The following LRRC20 variants were observed in gnomAD, a reference collection of about 807,000 sequenced individuals.
The protein encoded by LRRC20 is leucine rich repeat containing 20, also known as leucine-rich repeat-containing protein 20.
In LRRC20, 11 loss-of-function variants were observed where a neutral mutation model predicts 14.4. The observed-to-expected ratio is 0.77, with a 90% CI of 0.48 to 1.27. The LOEUF is 1.27. Among genes scored for constraint, LRRC20 ranks in the 50% most tolerant of loss-of-function variants. The probability of loss-of-function intolerance (pLI) is 0.00; values close to 1 mark genes in which losing one functional copy is unlikely to be tolerated. For missense variants in LRRC20, 219 were observed against 251.2 expected (o/e 0.87, Z 0.87); for synonymous variants, 121 against 107.3 (o/e 1.13, Z -0.79).
intron 4 of LRRC20, among the ~76,000 whole-genome samples, chr10:70,301,954 G>C (rs1409609869): frequency 6.6e-6 from 1 of 152,064 alleles, no homozygotes; most frequent in Non-Finnish European, 1.5e-5. Flanking sequence ...ATGATATATG[G>C]AATACTATGT....
At chr10:70,310,445 C>T (rs867978700) in intron 4 of LRRC20, among the ~76,000 whole-genome samples, 2 of 152,178 alleles carry the variant, frequency 1.3e-5, no homozygotes, top group Admixed American at 6.5e-5. Flanking sequence ...CCACTCACCA[C>T]GTCCTGCTGC....
At chr10:70,337,245 C>T (rs1842749243) in intron 3 of LRRC20, among the ~76,000 whole-genome samples, 1 of 152,214 alleles carries the variant, frequency 6.6e-6, no homozygotes, top group Non-Finnish European at 1.5e-5. Flanking sequence ...TAAGCCTCCT[C>T]TTCACACATA....
chr10:70,308,333 T>C (rs753076756), intron 4 of LRRC20, among the ~76,000 whole-genome samples: 2 of 151,288 alleles, frequency 1.3e-5, no homozygotes, highest in Non-Finnish European at 3.0e-5. Flanking sequence ...AGCCAGTGGG[T>C]AGCAAGGCTG....
At chr10:70,323,792 G>A (rs1271065579) in intron 4 of LRRC20, 71 bp downstream of exon 4, 16 of 1,535,692 alleles carry the variant, frequency 1.0e-5, no homozygotes, top group African/African-American at 5.5e-5. Context: ...TGTGAAGGTC[G>A]ACTCCAGAGT....
chr10:70,301,348 G>A lies in LRRC20; in HGVS notation c.*6C>T, dbSNP rs923743761. 1.2e-6 allele frequency: 2 copies of A among 1,611,070 alleles called. No homozygotes were observed. The highest frequency in any genetic ancestry group is 8.5e-7 in the Non-Finnish European group (1 of 1,179,096). On this transcript the variant is annotated 3_prime_UTR_variant, in exon 5 of 5. Transcript: ENST00000446961. ...CCCCTTGCTGGGTGGGCATGAGGAGGGTGGCCTAAGGTAGGGGGGCTCTTG... is the reference window on the plus strand; with the variant it reads ...CCCCTTGCTGGGTGGGCATGAGGAGAGTGGCCTAAGGTAGGGGGGCTCTTG...
At chr10:70,336,808 T>C (rs1842737338) in intron 3 of LRRC20, among the ~76,000 whole-genome samples, 1 of 152,198 alleles carries the variant, frequency 6.6e-6, no homozygotes, top group East Asian at 1.9e-4. Context: ...GCCATAGGTG[T>C]GTCTCCTACA....
chr10:70,362,679 C>T lies in LRRC20; in HGVS notation c.82+13773G>A, dbSNP rs149499104. On this transcript the variant is annotated intron_variant, in intron 2 of 4. Coordinates refer to ENST00000446961, the MANE Select transcript of LRRC20 (RefSeq NM_001278212.2). Reference sequence around the variant, plus strand: ...CTGACAGAGCTGACTCCACCCAGTGCCAGGCTTGGCCCCTTACAGACATGA... The same window carrying T: ...CTGACAGAGCTGACTCCACCCAGTGTCAGGCTTGGCCCCTTACAGACATGA... Among the ~76,000 whole-genome samples, 919 of 152,350 alleles carry T rather than the reference C, an allele frequency of 6.0e-3. 3 individuals carry two copies. Among genetic ancestry groups the T allele is most frequent in the Non-Finnish European group, 0.01 (695 of 68,036 alleles).
At chr10:70,363,376 C>T (rs1304641609) in intron 2 of LRRC20, among the ~76,000 whole-genome samples, 3 of 152,084 alleles carry the variant, frequency 2.0e-5, no homozygotes, top group South Asian at 2.1e-4. Flanking sequence ...CCCTGGCCCC[C>T]CACCCACGGA....
intron 3 of LRRC20, among the ~76,000 whole-genome samples, chr10:70,337,614 C>G (rs1384931861): frequency 6.6e-6 from 1 of 152,148 alleles, no homozygotes; most frequent in Non-Finnish European, 1.5e-5. Context: ...CTTACTCATC[C>G]CACAAGGCTC....
In LRRC20 at chr10:70,323,882, CAGGTT is replaced by C; in HGVS notation, c.376_380del (p.Asn126GlyfsTer44). On this transcript the variant is annotated frameshift_variant, in exon 4 of 5. Transcript: ENST00000446961. LOFTEE classifies it high-confidence loss of function. Reference sequence around the variant, plus strand: ...ACTCACCTACGATCTCGTTCTCCTCCAGGTTGATGGTCTCCAGCGCCGGCAGGGCG... The same window carrying C: ...ACTCACCTACGATCTCGTTCTCCTCCGATGGTCTCCAGCGCCGGCAGGGCG... 6.2e-7 allele frequency: 1 copy of C among 1,614,194 alleles called. No individual in the cohort carries two copies. The highest frequency in any genetic ancestry group is 8.5e-7 in the Non-Finnish European group (1 of 1,180,030).
chr10:70,341,064 C>T (rs764920467), intron 2 of LRRC20, among the ~76,000 whole-genome samples: 1 of 152,214 alleles, frequency 6.6e-6, no homozygotes, highest in Non-Finnish European at 1.5e-5. Context: ...AAAGACTCGA[C>T]AGCGCAGATG....
intron 1 of LRRC20, among the ~76,000 whole-genome samples, chr10:70,377,545 GA>G (rs1844554051): frequency 6.6e-6 from 1 of 152,142 alleles, no homozygotes; most frequent in South Asian, 2.1e-4. Flanking sequence ...ACCCCATAGA[GA>G]GAGGAATGAG....
intron 1 of LRRC20, chr10:70,381,668 C>T (rs1415658882): frequency 6.6e-6 from 1 of 152,326 alleles, no homozygotes; most frequent in East Asian, 1.9e-4. Flanking sequence ...CTGGCCCTAC[C>T]GCTGGCTCCA....
chr10:70,324,314 C>A lies in LRRC20; in HGVS notation c.233-284G>T, dbSNP rs561364629. On this transcript the variant is annotated intron_variant, in intron 3 of 4. Transcript: ENST00000446961. ...CTCCCAGCAGAAGCCTGGGCCTCAG[C>A]GAGGGGTCAGGAGGTGCTGGCTCCT... 2.8e-3 allele frequency among the ~76,000 whole-genome samples: 424 copies of A among 152,308 alleles called. 10 individuals are homozygous for A. Among genetic ancestry groups the A allele is most frequent in the Non-Finnish European group, 8.8e-4 (60 of 68,010 alleles).
chr10:70,302,744 T>A (rs1215677504), intron 4 of LRRC20, among the ~76,000 whole-genome samples: 1 of 149,870 alleles, frequency 6.7e-6, no homozygotes, highest in Non-Finnish European at 1.5e-5. Context: ...GGAGTTTCGC[T>A]CTGTCGCCCA....
chr10:70,352,155 T>C (rs936772886), intron 2 of LRRC20, among the ~76,000 whole-genome samples: 9 of 152,114 alleles, frequency 5.9e-5, no homozygotes, highest in African/African-American at 2.2e-4. Flanking sequence ...GTAGGAGCTG[T>C]GTCTAGAAAC....
chr10:70,380,626 C>T (rs1370366064), intron 1 of LRRC20, among the ~76,000 whole-genome samples: 1 of 152,228 alleles, frequency 6.6e-6, no homozygotes, highest in African/African-American at 2.4e-5. Flanking sequence ...AGAGGGTAGG[C>T]CTTAGAAAAT....
At position 70,339,290 on chromosome 10, in the gene LRRC20, G is replaced by C. The variant is rs537223537; in HGVS notation, c.232+1263C>G. Reference sequence around the variant, plus strand: ...ACTGCTATGAATGCTGGTCGTCTTTGTACCAGCAGACACAATTCTGGCTAG... The same window carrying C: ...ACTGCTATGAATGCTGGTCGTCTTTCTACCAGCAGACACAATTCTGGCTAG... On this transcript the variant is annotated intron_variant, in intron 3 of 4. Coordinates refer to ENST00000446961, the MANE Select transcript of LRRC20 (RefSeq NM_001278212.2). Among the ~76,000 whole-genome samples the C allele has an allele frequency of 2.2e-4, 34 of 152,320 alleles. No individual in the cohort carries two copies. In the South Asian group the frequency reaches 6.6e-3, roughly 30 times the overall value.
At chr10:70,356,560 C>T (rs1273548151) in intron 2 of LRRC20, among the ~76,000 whole-genome samples, 2 of 151,316 alleles carry the variant, frequency 1.3e-5, no homozygotes, top group Admixed American at 6.6e-5. Context: ...AGTTTTAAAA[C>T]CTGTATGTAG....
Sources: gnomAD v4.1 joint callset for allele counts (sites outside exome capture counted in the v4.1 genomes callset) on GRCh38, gnomAD v4.1.1 for gene constraint, MANE v1.5 for transcripts, NCBI Gene and HGNC (gene_info 2026-07-23, HGNC 2026-07-21) for gene names.